Variants in HTR4 observed in about 807,000 individuals in gnomAD.
HTR4 encodes 5-hydroxytryptamine receptor 4, also known as 5-hydroxytryptamine (serotonin) receptor 4, G protein-coupled.
Under a neutral mutation model 36.8 loss-of-function variants are expected in HTR4, and 16 were observed. That is an observed-to-expected ratio of 0.43 (90% confidence interval 0.29 to 0.66). HTR4 has a LOEUF of 0.66. Among genes scored for constraint, HTR4 ranks in the 30% least tolerant of loss-of-function variants. The pLI is 0.13. For missense variants in HTR4, 438 were observed against 490.9 expected, an observed-to-expected ratio of 0.89 and a Z score of 1.02; for synonymous variants, 189 against 185.1, an observed-to-expected ratio of 1.02 and a Z score of -0.17.
At chr5:148,543,586 C>T (rs187937686) in intron 4 of HTR4, among the ~76,000 whole-genome samples, 13 of 152,240 alleles carry the variant, frequency 8.5e-5, no homozygotes, top group South Asian at 4.2e-4. Context: ...CTGGCATTTA[C>T]AGGCAGTTGC....
At chr5:148,525,251 T>C (rs1758212469) in intron 4 of HTR4, among the ~76,000 whole-genome samples, 1 of 152,232 alleles carries the variant, frequency 6.6e-6, no homozygotes, top group Non-Finnish European at 1.5e-5. Flanking sequence ...TTTTTCTGAA[T>C]GGTGATATTC....
At chr5:148,611,044 C>T (rs865997812) in intron 2 of HTR4, among the ~76,000 whole-genome samples, 10 of 148,246 alleles carry the variant, frequency 6.7e-5, no homozygotes, top group Middle Eastern at 3.5e-3. Context: ...ACCAAATCTA[C>T]GTCTGATTGG....
intron 1 of HTR4, among the ~76,000 whole-genome samples, chr5:148,638,842 C>T (rs1376757830): frequency 6.6e-6 from 1 of 152,004 alleles, no homozygotes; most frequent in Non-Finnish European, 1.5e-5. Flanking sequence ...ATCGCTTGAG[C>T]CCAGGAGTTT....
intron 6 of HTR4, among the ~76,000 whole-genome samples, chr5:148,508,718 AT>A (rs1406170585): frequency 6.6e-6 from 1 of 152,086 alleles, no homozygotes; most frequent in Non-Finnish European, 1.5e-5. Flanking sequence ...ACTGTTGTAT[AT>A]TTATTATGGT....
intron 2 of HTR4, among the ~76,000 whole-genome samples, chr5:148,551,941 C>T (rs545728931): frequency 5.9e-5 from 9 of 152,286 alleles, no homozygotes; most frequent in South Asian, 2.1e-4. Context: ...CTTGTCAGAG[C>T]GTGCTAGTGG....
chr5:148,514,300 TA>T (rs1312091351), intron 5 of HTR4, among the ~76,000 whole-genome samples: 6 of 152,184 alleles, frequency 3.9e-5, no homozygotes, highest in South Asian at 2.1e-4. Context: ...ATGAGATTTT[TA>T]AAAAATCGTG....
chr5:148,498,382 G>A (rs1756780440), intron 6 of HTR4, among the ~76,000 whole-genome samples: 1 of 152,094 alleles, frequency 6.6e-6, no homozygotes, highest in East Asian at 1.9e-4. Flanking sequence ...TAGGATCTCA[G>A]GGAAGATTTA....
intron 2 of HTR4, among the ~76,000 whole-genome samples, chr5:148,563,365 C>A (rs1395488459): frequency 6.6e-6 from 1 of 152,192 alleles, no homozygotes; most frequent in Non-Finnish European, 1.5e-5. Context: ...GCAGAGAGGA[C>A]TTATTTAAAA....
intron 4 of HTR4, among the ~76,000 whole-genome samples, chr5:148,543,636 T>A (rs191979830): frequency 1.4e-3 from 208 of 152,222 alleles, no homozygotes; most frequent in African/African-American, 4.9e-3. Context: ...GCTGTGGAAG[T>A]GGATATTGAA....
At chr5:148,464,604 G>A (rs1470758754) in intron 5 of HTR4, among the ~76,000 whole-genome samples, 1 of 152,152 alleles carries the variant, frequency 6.6e-6, no homozygotes, top group African/African-American at 2.4e-5. Context: ...GCAAGAATGA[G>A]GAGCAACAGT....
chr5:148,538,850 T>C (rs562437054), intron 4 of HTR4, among the ~76,000 whole-genome samples: 19 of 152,206 alleles, frequency 1.2e-4, no homozygotes, highest in African/African-American at 4.6e-4. Context: ...CCAAAAACAT[T>C]CTTTGCAGAA....
intron 5 of HTR4, among the ~76,000 whole-genome samples, chr5:148,456,340 C>A (rs375973313): frequency 3.4e-4 from 51 of 152,178 alleles, no homozygotes; most frequent in African/African-American, 1.1e-3. Context: ...CTCACAGTTG[C>A]GTTCATGTAC....
downstream of HTR4, among the ~76,000 whole-genome samples, chr5:148,473,207 G>T (rs778321763): frequency 6.6e-6 from 1 of 151,820 alleles, no homozygotes; most frequent in African/African-American, 2.4e-5. Context: ...GCTGAGGCAG[G>T]GGATGGCGTG....
chr5:148,458,354 T>A (rs1428997063), intron 5 of HTR4, among the ~76,000 whole-genome samples: 2 of 148,104 alleles, frequency 1.4e-5, no homozygotes, highest in South Asian at 2.1e-4. Context: ...TTTACTAAAA[T>A]TTTTTTTTTT....
intron 2 of HTR4, among the ~76,000 whole-genome samples, chr5:148,563,279 A>G (rs1429355115): frequency 2.0e-5 from 3 of 152,080 alleles, no homozygotes; most frequent in African/African-American, 7.2e-5. Context: ...TGCTACCACC[A>G]TCTGGATCTC....
intron 2 of HTR4, among the ~76,000 whole-genome samples, chr5:148,575,281 C>T (rs746305975): frequency 8.5e-5 from 13 of 152,066 alleles, no homozygotes; most frequent in Non-Finnish European, 1.8e-4. Context: ...TGTCCAAACA[C>T]TGAAGTTGCA....
chr5:148,625,341 T>C (rs1212962437), intron 2 of HTR4, among the ~76,000 whole-genome samples: 1 of 152,182 alleles, frequency 6.6e-6, no homozygotes, highest in African/African-American at 2.4e-5. Flanking sequence ...AAAAGGGTAC[T>C]AGTTATTATT....
chr5:148,510,838 T>A (rs1164477552), intron 5 of HTR4, among the ~76,000 whole-genome samples: 1 of 151,980 alleles, frequency 6.6e-6, no homozygotes, highest in African/African-American at 2.4e-5. Context: ...GTGTAACAGC[T>A]TGTGTTTTAG....
chr5:148,635,062 A>G (rs536661052), intron 2 of HTR4, among the ~76,000 whole-genome samples: 2 of 152,288 alleles, frequency 1.3e-5, no homozygotes, highest in South Asian at 4.1e-4. Flanking sequence ...TAATATTTTT[A>G]AAAATAAACC....
Sources: allele counts gnomAD v4.1 joint callset (sites outside exome capture counted in the v4.1 genomes callset), GRCh38; gene constraint gnomAD v4.1.1; transcripts MANE v1.5; gene names NCBI Gene and HGNC (gene_info 2026-07-23, HGNC 2026-07-21).